NMNAT2: variants seen among roughly 807,000 people sequenced by gnomAD.
NMNAT2 encodes the protein nicotinamide/nicotinic acid mononucleotide adenylyltransferase 2.
In NMNAT2, 11 loss-of-function variants were observed where a neutral mutation model predicts 41.6. The ratio of observed to expected loss-of-function variants is 0.26; its 90% CI spans 0.17 to 0.44. The LOEUF (loss-of-function observed/expected upper bound fraction) is 0.44, where lower values mean the gene tolerates loss of function less well. Ranked by LOEUF, NMNAT2 falls within the 20% of genes least tolerant of loss-of-function variation. The pLI, the probability that NMNAT2 is intolerant of heterozygous loss-of-function variation, is 1.00. For missense variants in NMNAT2, 288 were observed against 407.7 expected (o/e 0.71, Z 2.53); for synonymous variants, 148 against 151.2 (o/e 0.98, Z 0.16).
At chr1:183,379,794 T>A (rs1309627400) in intron 1 of NMNAT2, among the ~76,000 whole-genome samples, 2 of 152,178 alleles carry the variant, frequency 1.3e-5, no homozygotes, top group Non-Finnish European at 2.9e-5. Context: ...AGCCTTCAAC[T>A]CTCTCAAATA....
intron 1 of NMNAT2, among the ~76,000 whole-genome samples, chr1:183,336,054 C>A (rs1396958924): frequency 6.6e-6 from 1 of 152,184 alleles, no homozygotes; most frequent in Non-Finnish European, 1.5e-5. Context: ...TGTGTGATTT[C>A]TTCTCATACC....
At chr1:183,380,799 G>A (rs1365421168) in intron 1 of NMNAT2, among the ~76,000 whole-genome samples, 1 of 152,204 alleles carries the variant, frequency 6.6e-6, no homozygotes, top group Non-Finnish European at 1.5e-5. Context: ...GGAGTAGAAT[G>A]TGAGAGGAAA....
chr1:183,410,546 TA>T (rs1042893514), intron 1 of NMNAT2, among the ~76,000 whole-genome samples: 14 of 151,366 alleles, frequency 9.2e-5, no homozygotes, highest in African/African-American at 2.4e-4. Flanking sequence ...CGAGGCCCAC[TA>T]AAAAAAATGC....
intron 1 of NMNAT2, among the ~76,000 whole-genome samples, chr1:183,397,185 T>C (rs1171138816): frequency 6.6e-6 from 1 of 152,158 alleles, no homozygotes; most frequent in Non-Finnish European, 1.5e-5. Flanking sequence ...TTCCAACCCG[T>C]CCTTGAATTC....
rs116379397 is a variant in NMNAT2, at chr1:183,407,258, A to G, written c.85+10925T>C. Among the ~76,000 whole-genome samples, 592 of 152,266 alleles carry G rather than the reference A, an allele frequency of 3.9e-3. 5 individuals carry two copies. Among genetic ancestry groups the G allele is most frequent in the African/African-American group, 0.014 (568 of 41,552 alleles). ...GTTACACACTTCATAGCTCCCAAAC[A>G]TGACTTGCAGGTTCCCACTGTGGAT... On this transcript the variant is annotated intron_variant, in intron 1 of 10. Coordinates refer to ENST00000287713, the MANE Select transcript of NMNAT2 (RefSeq NM_015039.4).
intron 1 of NMNAT2, among the ~76,000 whole-genome samples, chr1:183,371,982 A>G (rs1363328898): frequency 3.3e-5 from 5 of 151,972 alleles, no homozygotes; most frequent in African/African-American, 7.3e-5. Context: ...GTCTCAACAC[A>G]TTGCCCAGGC....
In NMNAT2 at chr1:183,261,192, G is replaced by T. The variant is rs1660648159; in HGVS notation, c.753+10C>A. On this transcript the variant is annotated intron_variant, in intron 9 of 10. Transcript: ENST00000287713. ...ATAACACAGATGCACTAGCAGGATG[G>T]AGGACTCACTTTGTATTTGCGGAGT... The T allele has an allele frequency of 6.2e-7, 1 of 1,612,992 alleles. No individual in the cohort carries two copies. Among genetic ancestry groups the T allele is most frequent in the South Asian group, 1.1e-5 (1 of 91,058 alleles).
chr1:183,254,908 C>G (rs1317635963), intron 10 of NMNAT2, among the ~76,000 whole-genome samples: 4 of 152,158 alleles, frequency 2.6e-5, no homozygotes, highest in African/African-American at 9.7e-5. Context: ...TGTACAGAAG[C>G]TTTTTAGTTT....
At chr1:183,334,381 T>C (rs935575333) in intron 1 of NMNAT2, among the ~76,000 whole-genome samples, 4 of 151,980 alleles carry the variant, frequency 2.6e-5, no homozygotes. Flanking sequence ...TGAATTTCAA[T>C]AGACTCCTTG....
At chr1:183,271,068 A>T (rs1230952815) in intron 8 of NMNAT2, among the ~76,000 whole-genome samples, 1 of 152,172 alleles carries the variant, frequency 6.6e-6, no homozygotes, top group Non-Finnish European at 1.5e-5. Context: ...CTGGGCTTTG[A>T]GGAGCGCAAA....
chr1:183,292,083 G>A (rs1017818361), intron 3 of NMNAT2, among the ~76,000 whole-genome samples: 5 of 152,204 alleles, frequency 3.3e-5, no homozygotes, highest in Admixed American at 3.3e-4. Flanking sequence ...TTTTTCCATA[G>A]TGGGGGAAAT....
rs116182264 is a variant in NMNAT2 at position 183,325,304 on chromosome 1, A to G, written c.86-31511T>C. On this transcript the variant is annotated intron_variant, in intron 1 of 10. Coordinates refer to ENST00000287713, the MANE Select transcript of NMNAT2 (RefSeq NM_015039.4). Reference sequence around the variant, plus strand: ...CCTTGCACATTTCACTCTCAATTCAATTTCTTCCTCTGCATAGAAAAGGAA... The same window carrying G: ...CCTTGCACATTTCACTCTCAATTCAGTTTCTTCCTCTGCATAGAAAAGGAA... Among the ~76,000 whole-genome samples, 949 of 152,312 alleles carry G rather than the reference A, an allele frequency of 6.2e-3. 12 individuals carry two copies. The highest frequency in any genetic ancestry group is 0.021 in the African/African-American group (863 of 41,560).
At chr1:183,370,269 CACACACAG>C (rs1663505905) in intron 1 of NMNAT2, among the ~76,000 whole-genome samples, 2 of 150,318 alleles carry the variant, frequency 1.3e-5, no homozygotes, top group African/African-American at 5.0e-5. Context: ...CACACACACA[CACACACAG>C]GCTGCAGTGG....
chr1:183,315,844 CCATGGCA>C (rs1031909107), intron 1 of NMNAT2, among the ~76,000 whole-genome samples: 3 of 150,302 alleles, frequency 2.0e-5, no homozygotes, highest in African/African-American at 7.3e-5. Context: ...CAGCAAACCA[CCATGGCA>C]CGTGTATATC....
At chr1:183,273,706 C>T (rs1661042825) in intron 8 of NMNAT2, among the ~76,000 whole-genome samples, 2 of 152,172 alleles carry the variant, frequency 1.3e-5, no homozygotes, top group Admixed American at 6.5e-5. Flanking sequence ...CCTCTGCCAG[C>T]TCTATTTTTC....
chr1:183,345,713 G>A (rs1662912489), intron 1 of NMNAT2, among the ~76,000 whole-genome samples: 1 of 146,876 alleles, frequency 6.8e-6, no homozygotes, highest in African/African-American at 2.5e-5. Context: ...TTGAGACGGA[G>A]TCTCACACTG....
rs188223794 is a variant in NMNAT2, at chr1:183,273,908, C to T, written c.651+4645G>A. Among the ~76,000 whole-genome samples the T allele has an allele frequency of 4.2e-3, 533 of 126,696 alleles. 8 individuals are homozygous for T. The highest frequency in any genetic ancestry group is 0.015 in the African/African-American group (502 of 33,444). 83.1% of individuals were successfully genotyped at this position (126,696 alleles called of 152,430 possible). On this transcript the variant is annotated intron_variant, in intron 8 of 10. Transcript: ENST00000287713. ...CTTCCTTCCTTCCTTCCCTTCCTCC[C>T]TCCCTCCCTTCTTTCTTGCTTTTTT...
At chr1:183,292,753 C>A (rs201994005) in intron 3 of NMNAT2, 37 bp downstream of exon 3, 1 of 1,593,456 alleles carries the variant, frequency 6.3e-7, no homozygotes, top group Non-Finnish European at 8.6e-7. Flanking sequence ...AGTAAGTCTC[C>A]GGGCCACTGC....
intron 1 of NMNAT2, among the ~76,000 whole-genome samples, chr1:183,346,232 T>C (rs578034999): frequency 6.6e-6 from 1 of 152,250 alleles, no homozygotes; most frequent in South Asian, 2.1e-4. Context: ...GCTACCAGAC[T>C]GAGCACCCCT....
Sources: gnomAD v4.1 joint callset for allele counts (sites outside exome capture counted in the v4.1 genomes callset) on GRCh38, gnomAD v4.1.1 for gene constraint, MANE v1.5 for transcripts, NCBI Gene and HGNC (gene_info 2026-07-23, HGNC 2026-07-21) for gene names.